Variants in TUBA1A observed in about 807,000 individuals in gnomAD.
TUBA1A encodes tubulin alpha-1A chain.
In TUBA1A, 7 loss-of-function variants were observed where a neutral mutation model predicts 34.6. The ratio of observed to expected loss-of-function variants is 0.20; its 90% CI spans 0.11 to 0.38. The LOEUF (loss-of-function observed/expected upper bound fraction) is 0.38. TUBA1A is among the 10% of genes least tolerant of loss of function. The pLI is 1.00. For missense variants in TUBA1A, 19 were observed against 581.3 expected, an observed-to-expected ratio of 0.03 and a Z score of 9.95; for synonymous variants, 193 against 210.2, an observed-to-expected ratio of 0.92 and a Z score of 0.71.
Position 49,184,893 on chromosome 12 carries a change from A to C in TUBA1A, c.*117T>G. On this transcript the variant is annotated 3_prime_UTR_variant, in exon 4 of 4. Coordinates refer to ENST00000301071, the MANE Select transcript of TUBA1A (RefSeq NM_006009.4). ...TCATGTTTTAGAGCATAGGTCAGTA[A>C]TTGTATATGAGAGCATACACTGCTA... 1 of 1,531,578 alleles carries C rather than the reference A, an allele frequency of 6.5e-7. No homozygotes were observed. The highest frequency in any genetic ancestry group is 9.0e-7 in the Non-Finnish European group (1 of 1,107,876). The allele number at this position is 1,531,578 out of a possible 1,614,324, so 94.9% of individuals were successfully genotyped here. A position where few individuals can be genotyped will look rare whatever the true frequency, so the allele number is the denominator to read the frequency against.
In TUBA1A at chr12:49,185,994, T is replaced by C. The variant is rs554988776; in HGVS notation, c.376-4A>G. ...GGAGACCCGTGCACTGGTCGGCCTA[T>C]AACAAAAGAGAGGAACAGAGGAAAG... On this transcript the variant is annotated splice_region_variant and splice_polypyrimidine_tract_variant and intron_variant, in intron 3 of 3. Coordinates refer to ENST00000301071, the MANE Select transcript of TUBA1A (RefSeq NM_006009.4). The C allele has an allele frequency of 7.4e-6, 12 of 1,614,164 alleles. No individual in the cohort carries two copies. The highest frequency in any genetic ancestry group is 1.0e-5 in the Non-Finnish European group (12 of 1,180,026).
rs781085925 is a variant in TUBA1A at position 49,186,860 on chromosome 12, G to A, written c.4-27C>T. ...TGTGGGGAGGAAAAGTGAAAAAATCGTAAAATTAAGGTGTATTAGCATTTC... is the reference window on the plus strand; with the variant it reads ...TGTGGGGAGGAAAAGTGAAAAAATCATAAAATTAAGGTGTATTAGCATTTC... On this transcript the variant is annotated intron_variant, in intron 1 of 3. Transcript: ENST00000301071. The surrounding 1 kb of genome is among the most constrained non-coding windows in gnomAD (Gnocchi z 6.6). 29 of 1,613,788 alleles carry A rather than the reference G, an allele frequency of 1.8e-5. No individual in the cohort carries two copies. The highest frequency in any genetic ancestry group is 1.6e-4 in the Middle Eastern group (1 of 6,072).
rs79112204 is a variant in TUBA1A at position 49,186,247 on chromosome 12, A to G, written c.375+63T>C. On this transcript the variant is annotated intron_variant, in intron 3 of 3. Transcript: ENST00000301071. This position sits in a 1 kb window ranked among gnomAD's most constrained non-coding sequence, Gnocchi z 6.6. ...GTTCAATTCTGTGTTTGAAAAAAAA[A>G]GCATTATTTCAAATGTGTTCTTTAG... 1 of 1,611,986 alleles carries G rather than the reference A, an allele frequency of 6.2e-7. No individual in the cohort carries two copies. The highest frequency in any genetic ancestry group is 8.5e-7 in the Non-Finnish European group (1 of 1,179,780).
chr12:49,188,054 C>T lies in TUBA1A; in HGVS notation c.3+923G>A. ...CACACACACACACACACACTTCAGT[C>T]GGTCAGGGCAGGGCGTCCCACAGAC... is the stretch of plus-strand genomic sequence containing the variant. On this transcript the variant is annotated intron_variant, in intron 1 of 3. Coordinates refer to ENST00000301071, the MANE Select transcript of TUBA1A (RefSeq NM_006009.4). This position sits in a 1 kb window ranked among gnomAD's most constrained non-coding sequence, Gnocchi z 4.9. 6.4e-6 allele frequency: 6 copies of T among 938,976 alleles called. No individual in the cohort carries two copies. Among genetic ancestry groups the T allele is most frequent in the Non-Finnish European group, 7.5e-6 (6 of 802,994 alleles). The allele number at this position is 938,976 out of a possible 1,614,324, so 58.2% of individuals were successfully genotyped here. A position where few individuals can be genotyped will look rare whatever the true frequency, so the allele number is the denominator to read the frequency against.
chr12:49,186,166 A>G lies in TUBA1A; in HGVS notation c.375+144T>C. ...AAATGACATCAAATAGTTCATTTTA[A>G]CTGAATTTTAAAAACCCCAAAAGAA... On this transcript the variant is annotated intron_variant, in intron 3 of 3. Transcript: ENST00000301071. The surrounding 1 kb of genome is among the most constrained non-coding windows in gnomAD (Gnocchi z 6.6). 1 of 1,558,370 alleles carries G rather than the reference A, an allele frequency of 6.4e-7. No individual in the cohort carries two copies. The highest frequency in any genetic ancestry group is 8.7e-7 in the Non-Finnish European group (1 of 1,149,330).
chr12:49,187,587 A>G (rs1313336773), intron 1 of TUBA1A: 4 of 979,112 alleles, frequency 4.1e-6, no homozygotes, highest in Non-Finnish European at 4.8e-6. Context: ...GTCTGTAGCA[A>G]TTTCATTACT....
Position 49,188,900 on chromosome 12 carries a change from G to A in TUBA1A, c.3+77C>T, listed in dbSNP as rs139383482. ...CCCAGAGAGCTTACGAAAGAAAAGAGCTTAAAGGTTTTCCAAGTAGAGCCT... is the reference window on the plus strand; with the variant it reads ...CCCAGAGAGCTTACGAAAGAAAAGAACTTAAAGGTTTTCCAAGTAGAGCCT... On this transcript the variant is annotated intron_variant, in intron 1 of 3. Transcript: ENST00000301071. This position sits in a 1 kb window ranked among gnomAD's most constrained non-coding sequence, Gnocchi z 4.9. 341 of 1,613,938 alleles carry A rather than the reference G, an allele frequency of 2.1e-4. 1 individual carries two copies. In the African/African-American group the frequency reaches 3.8e-3, roughly 18 times the overall value.
rs993958192 is a variant in TUBA1A, at chr12:49,188,109, C to T, written c.3+868G>A. On this transcript the variant is annotated intron_variant, in intron 1 of 3. Transcript: ENST00000301071. This position sits in a 1 kb window ranked among gnomAD's most constrained non-coding sequence, Gnocchi z 4.9. ...ACACACACACACACACACACACACA[C>T]ACACTTCAGTCGGTCAGGGCAGGGC... is the stretch of plus-strand genomic sequence containing the variant. 1.0e-6 allele frequency: 1 copy of T among 983,128 alleles called. No homozygotes were observed. The allele number at this position is 983,128 out of a possible 1,614,324, so 60.9% of individuals were successfully genotyped here. A position where few individuals can be genotyped will look rare whatever the true frequency, so the allele number is the denominator to read the frequency against.
Position 49,188,015 on chromosome 12 carries a change from G to GACACACACAC in TUBA1A, c.3+961_3+962insGTGTGTGTGT, listed in dbSNP as rs1189965021. 4 of 970,160 alleles carry GACACACACAC rather than the reference G, an allele frequency of 4.1e-6. No individual in the cohort carries two copies. In the African/African-American group the frequency reaches 8.5e-5, roughly 21 times the overall value. The allele number at this position is 970,160 out of a possible 1,614,324, so 60.1% of individuals were successfully genotyped here. A position where few individuals can be genotyped will look rare whatever the true frequency, so the allele number is the denominator to read the frequency against. ...CCTCGCTGAACGTGCAGTCCAGACA[G>GACACACACAC]ACAGACAGACACACACACACACACA... On this transcript the variant is annotated intron_variant, in intron 1 of 3. Coordinates refer to ENST00000301071, the MANE Select transcript of TUBA1A (RefSeq NM_006009.4). The surrounding 1 kb of genome is among the most constrained non-coding windows in gnomAD (Gnocchi z 4.9).
At chr12:49,187,255 C>T in intron 1 of TUBA1A, 1 of 1,105,456 alleles carries the variant, frequency 9.0e-7, no homozygotes, top group Non-Finnish European at 1.1e-6. Flanking sequence ...ATAATCCGGA[C>T]ATCTGTACTG....
In TUBA1A at chr12:49,187,596, C is replaced by CTT. The variant is rs36182571; in HGVS notation, c.4-765_4-764dup. Reference sequence around the variant, plus strand: ...TTCTTTGTCTGTAGCAATTTCATTACTTTTTTTTTTAAAAAAAAAGGTTTT... The same window carrying CTT: ...TTCTTTGTCTGTAGCAATTTCATTACTTTTTTTTTTTTAAAAAAAAAGGTTTT... On this transcript the variant is annotated intron_variant, in intron 1 of 3. Transcript: ENST00000301071. 1.5e-3 allele frequency: 1,430 copies of CTT among 938,430 alleles called. 2 individuals carry two copies. The East Asian group carries it at 0.02, about 13-fold the overall frequency. 58.1% of individuals were successfully genotyped at this position (938,430 alleles called of 1,614,324 possible).
rs568795622 is a variant in TUBA1A at position 49,187,843 on chromosome 12, G to A, written c.4-1010C>T. 3.1e-6 allele frequency: 3 copies of A among 965,070 alleles called. No individual in the cohort carries two copies. The South Asian group carries it at 1.5e-4, about 47-fold the overall frequency. The allele number at this position is 965,070 out of a possible 1,614,324, so 59.8% of individuals were successfully genotyped here. A position where few individuals can be genotyped will look rare whatever the true frequency, so the allele number is the denominator to read the frequency against. The stretch of plus-strand genomic sequence containing the variant: ...ATTCATATTCTTTGCATCCAATAGA[G>A]GTTTTCTTCTCTGTGGTCTTTAGGG... On this transcript the variant is annotated intron_variant, in intron 1 of 3. Coordinates refer to ENST00000301071, the MANE Select transcript of TUBA1A (RefSeq NM_006009.4).
chr12:49,188,229 C>G lies in TUBA1A; in HGVS notation c.3+748G>C. On this transcript the variant is annotated intron_variant, in intron 1 of 3. Coordinates refer to ENST00000301071, the MANE Select transcript of TUBA1A (RefSeq NM_006009.4). The surrounding 1 kb of genome is among the most constrained non-coding windows in gnomAD (Gnocchi z 4.9). Reference sequence around the variant, plus strand: ...CTAACTTATAATAGTGAAGAAAACCCTTTTGGAGCCTACAGTTCCGCAATG... The same window carrying G: ...CTAACTTATAATAGTGAAGAAAACCGTTTTGGAGCCTACAGTTCCGCAATG... The G allele has an allele frequency of 1.0e-6, 1 of 985,114 alleles. No homozygotes were observed. Among genetic ancestry groups the G allele is most frequent in the Non-Finnish European group, 1.2e-6 (1 of 829,770 alleles). 61.0% of individuals were successfully genotyped at this position (985,114 alleles called of 1,614,324 possible).
chr12:49,187,640 T>G, intron 1 of TUBA1A: 1 of 984,884 alleles, frequency 1.0e-6, no homozygotes, highest in Non-Finnish European at 1.2e-6. Flanking sequence ...TTCTCCACTG[T>G]AAAAGCTGAA....
At position 49,186,039 on chromosome 12, in the gene TUBA1A, T is replaced by C. The variant is rs1460233168; in HGVS notation, c.376-49A>G. On this transcript the variant is annotated intron_variant, in intron 3 of 3. Transcript: ENST00000301071. This position sits in a 1 kb window ranked among gnomAD's most constrained non-coding sequence, Gnocchi z 6.6. Reference sequence around the variant, plus strand: ...GGAAAGGTTAAGTTTTTATTCTTTGTAGTACAATCATAGTAAATATATTTT... The same window carrying C: ...GGAAAGGTTAAGTTTTTATTCTTTGCAGTACAATCATAGTAAATATATTTT... The C allele has an allele frequency of 2.5e-6, 4 of 1,611,564 alleles. No individual in the cohort carries two copies. The highest frequency in any genetic ancestry group is 3.4e-6 in the Non-Finnish European group (4 of 1,178,474).
chr12:49,186,957 C>A lies in TUBA1A; in HGVS notation c.4-124G>T, dbSNP rs1029807477. On this transcript the variant is annotated intron_variant, in intron 1 of 3. Transcript: ENST00000301071. The surrounding 1 kb of genome is among the most constrained non-coding windows in gnomAD (Gnocchi z 6.6). ...TTTTCTAAATTATTTGAGGTCATATCCCCAGCACGATACAAAGATTAAGGA... is the reference window on the plus strand; with the variant it reads ...TTTTCTAAATTATTTGAGGTCATATACCCAGCACGATACAAAGATTAAGGA... 5 of 1,506,110 alleles carry A rather than the reference C, an allele frequency of 3.3e-6. No individual in the cohort carries two copies. The African/African-American group carries it at 7.1e-5, about 21-fold the overall frequency. 93.3% of individuals were successfully genotyped at this position (1,506,110 alleles called of 1,614,324 possible).
chr12:49,184,933 G>C lies in TUBA1A; in HGVS notation c.*77C>G. On this transcript the variant is annotated 3_prime_UTR_variant, in exon 4 of 4. Transcript: ENST00000301071. ...ATACACTGCTACATACAAATTAACTGATCAGACCACAACTTTTCAATGTTT... is the reference window on the plus strand; with the variant it reads ...ATACACTGCTACATACAAATTAACTCATCAGACCACAACTTTTCAATGTTT... 13 of 1,610,922 alleles carry C rather than the reference G, an allele frequency of 8.1e-6. No individual in the cohort carries two copies. Among genetic ancestry groups the C allele is most frequent in the Non-Finnish European group, 1.1e-5 (13 of 1,177,792 alleles).
chr12:49,188,571 C>T lies in TUBA1A; in HGVS notation c.3+406G>A, dbSNP rs1942212658. ...CCGCTCTTTTTGGGTGCCTCCTCCT[C>T]TCCCGGTCCCCAGAGAACAACGCGA... On this transcript the variant is annotated intron_variant, in intron 1 of 3. Transcript: ENST00000301071. The surrounding 1 kb of genome is among the most constrained non-coding windows in gnomAD (Gnocchi z 4.9). 4.7e-6 allele frequency: 7 copies of T among 1,475,538 alleles called. No individual in the cohort carries two copies. Among genetic ancestry groups the T allele is most frequent in the Non-Finnish European group, 6.3e-6 (7 of 1,115,546 alleles). 91.4% of individuals were successfully genotyped at this position (1,475,538 alleles called of 1,614,324 possible).
rs58704368 is a variant in TUBA1A, at chr12:49,188,023, GACACACACACAC to G, written c.3+942_3+953del. 1 of 683,336 alleles carries G rather than the reference GACACACACACAC, an allele frequency of 1.5e-6. No homozygotes were observed. The highest frequency in any genetic ancestry group is 7.4e-5 in the Admixed American group (1 of 13,532). The allele number at this position is 683,336 out of a possible 1,614,324, so 42.3% of individuals were successfully genotyped here. ...AACGTGCAGTCCAGACAGACAGACA[GACACACACACAC>G]ACACACACACACTTCAGTCGGTCAG... is the stretch of plus-strand genomic sequence containing the variant. On this transcript the variant is annotated intron_variant, in intron 1 of 3. Coordinates refer to ENST00000301071, the MANE Select transcript of TUBA1A (RefSeq NM_006009.4). This position sits in a 1 kb window ranked among gnomAD's most constrained non-coding sequence, Gnocchi z 4.9.
Sources: allele counts gnomAD v4.1 joint callset, GRCh38; gene constraint gnomAD v4.1.1; non-coding constraint Gnocchi (gnomAD v3.1); transcripts MANE v1.5; gene names NCBI Gene and HGNC (gene_info 2026-07-23, HGNC 2026-07-21).